NF1: variants seen among roughly 807,000 people sequenced by gnomAD.
The protein encoded by NF1 is neurofibromin 1, also known as neurofibromin.
Under a neutral mutation model 325.7 loss-of-function variants are expected in NF1, and 122 were observed. The ratio of observed to expected loss-of-function variants is 0.37; its 90% CI spans 0.32 to 0.44. The LOEUF is 0.44. Among genes scored for constraint, NF1 ranks in the 20% least tolerant of loss-of-function variants. NF1 has a pLI of 1.00. For missense variants in NF1, 2,140 were observed against 3,415.4 expected, an observed-to-expected ratio of 0.63 and a Z score of 9.31; for synonymous variants, 1,091 against 1,186.0, an observed-to-expected ratio of 0.92 and a Z score of 1.65.
chr17:31,311,139 C>G (rs2068864576), intron 36 of NF1, among the ~76,000 whole-genome samples: 1 of 151,850 alleles, frequency 6.6e-6, no homozygotes, highest in African/African-American at 2.4e-5. Context: ...TTTTTGTAGA[C>G]ATGGGGTTTC....
chr17:31,304,679 C>G lies in NF1; in HGVS notation c.4836-21141C>G, dbSNP rs139395003. 30 of 1,613,972 alleles carry G rather than the reference C, an allele frequency of 1.9e-5. No homozygotes were observed. Among genetic ancestry groups the G allele is most frequent in the Non-Finnish European group, 2.3e-5 (27 of 1,180,008 alleles). ...TCTTCTGATGTACCATTTACTTGAT[C>G]TTTTATTTTCTCTGTTTTGGGGTTG... On this transcript the variant is annotated intron_variant, in intron 36 of 57. Transcript: ENST00000358273.
chr17:31,264,462 T>G (rs1203405392), intron 35 of NF1, among the ~76,000 whole-genome samples: 2 of 151,938 alleles, frequency 1.3e-5, no homozygotes, highest in East Asian at 3.9e-4. Flanking sequence ...CTAAGCAAAT[T>G]ACCTAGCATA....
At chr17:31,344,069 CAG>C (rs1452424039) in intron 48 of NF1, among the ~76,000 whole-genome samples, 1 of 151,090 alleles carries the variant, frequency 6.6e-6, no homozygotes, top group Non-Finnish European at 1.5e-5. Context: ...CAAAATGAAA[CAG>C]ACTGCAAATC....
intron 36 of NF1, among the ~76,000 whole-genome samples, chr17:31,276,174 A>T (rs1322789843): frequency 1.6e-5 from 2 of 126,778 alleles, no homozygotes; most frequent in African/African-American, 3.1e-5. Flanking sequence ...GCACCACTGC[A>T]CTCCAGCCTG....
At chr17:31,156,463 A>C (rs1481332618) in intron 2 of NF1, among the ~76,000 whole-genome samples, 5 of 152,192 alleles carry the variant, frequency 3.3e-5, no homozygotes, top group Non-Finnish European at 5.9e-5. Flanking sequence ...GGCCTACACG[A>C]ATTGACCACA....
In NF1 at chr17:31,206,376, G is replaced by T. The variant is rs199999754; in HGVS notation, c.1392+5G>T. The T allele has an allele frequency of 1.1e-4, 181 of 1,613,388 alleles. 1 individual carries two copies. Among genetic ancestry groups the T allele is most frequent in the Non-Finnish European group, 1.5e-4 (175 of 1,179,560 alleles). On this transcript the variant is annotated splice_donor_5th_base_variant and intron_variant, in intron 12 of 57. Transcript: ENST00000358273. The stretch of plus-strand genomic sequence containing the variant: ...CCAGCAATACGAATGGCACCGGTAA[G>T]ATAAATCACGAATTTTGAATCTCAC...
Position 31,352,421 on chromosome 17 carries a change from T to C in NF1, c.7615+7T>C, listed in dbSNP as rs779078444. 3 of 1,592,918 alleles carry C rather than the reference T, an allele frequency of 1.9e-6. No homozygotes were observed. The East Asian group carries it at 6.8e-5, about 36-fold the overall frequency. On this transcript the variant is annotated splice_region_variant and intron_variant, in intron 51 of 57. Coordinates refer to ENST00000358273, the MANE Select transcript of NF1 (RefSeq NM_001042492.3). ...AACACTAAGAAGTTGCTTGGTTAGT[T>C]TATCTAAATTATGTAGATTTTTTTT...
At chr17:31,343,864 G>C (rs542921096) in intron 48 of NF1, among the ~76,000 whole-genome samples, 1 of 151,920 alleles carries the variant, frequency 6.6e-6, no homozygotes, top group African/African-American at 2.4e-5. Context: ...GCTGAGGAAG[G>C]AGAATCACTT....
At chr17:31,117,400 C>T (rs917233236) in intron 1 of NF1, among the ~76,000 whole-genome samples, 4 of 151,124 alleles carry the variant, frequency 2.6e-5, no homozygotes, top group East Asian at 2.0e-4. Flanking sequence ...CGGCCAGGCG[C>T]GGTGGCTCAT....
At chr17:31,254,053 C>G (rs1384621196) in intron 31 of NF1, 1 of 151,700 alleles carries the variant, frequency 6.6e-6, no homozygotes, top group Admixed American at 6.6e-5. Flanking sequence ...ATCTCTTGAG[C>G]CCAAGAGTTA....
intron 29 of NF1, among the ~76,000 whole-genome samples, chr17:31,240,454 C>T (rs1369388529): frequency 6.6e-6 from 1 of 152,180 alleles, no homozygotes; most frequent in Non-Finnish European, 1.5e-5. Flanking sequence ...TGTATATGTA[C>T]CACAGTTTCT....
In NF1 at chr17:31,336,922, C is replaced by A. The variant is rs864622598; in HGVS notation, c.6427+8C>A. ...CACAGCTTCATTTTAGTGGTAAGTTCTAGGAAAGGAATTTGTGTTTACCAG... is the reference window on the plus strand; with the variant it reads ...CACAGCTTCATTTTAGTGGTAAGTTATAGGAAAGGAATTTGTGTTTACCAG... On this transcript the variant is annotated splice_region_variant and intron_variant, in intron 42 of 57. Coordinates refer to ENST00000358273, the MANE Select transcript of NF1 (RefSeq NM_001042492.3). This position sits in a 1 kb window ranked among gnomAD's most constrained non-coding sequence, Gnocchi z 5.5. 2 of 1,607,004 alleles carry A rather than the reference C, an allele frequency of 1.2e-6. No homozygotes were observed. Among genetic ancestry groups the A allele is most frequent in the Non-Finnish European group, 1.7e-6 (2 of 1,179,796 alleles).
At chr17:31,259,666 C>T (rs1276459018) in intron 33 of NF1, among the ~76,000 whole-genome samples, 2 of 152,140 alleles carry the variant, frequency 1.3e-5, no homozygotes, top group Non-Finnish European at 2.9e-5. Context: ...CACTTTATTT[C>T]TCTGAGTTAT....
chr17:31,161,576 C>A (rs1357761780), intron 3 of NF1, among the ~76,000 whole-genome samples: 1 of 152,162 alleles, frequency 6.6e-6, no homozygotes, highest in African/African-American at 2.4e-5. Context: ...TATATATTTA[C>A]AAAGTAGAGA....
At chr17:31,254,309 T>C (rs1417502129) in intron 31 of NF1, 1 of 151,226 alleles carries the variant, frequency 6.6e-6, no homozygotes, top group Non-Finnish European at 1.5e-5. Flanking sequence ...GAAAAAGCTT[T>C]ACATATAAGT....
At chr17:31,327,469 C>G (rs1241850091) in intron 37 of NF1, 30 bp from the exon 38 acceptor site, 2 of 1,552,818 alleles carry the variant, frequency 1.3e-6, no homozygotes, top group South Asian at 1.1e-5. Context: ...TAATTCTTCT[C>G]CACTTCACCC....
chr17:31,323,433 T>C (rs1365537084), intron 36 of NF1, among the ~76,000 whole-genome samples: 1 of 151,384 alleles, frequency 6.6e-6, no homozygotes, highest in East Asian at 1.9e-4. Context: ...CAGGCCCCAC[T>C]ACATAGATCC....
chr17:31,186,858 A>G (rs1057345004), intron 8 of NF1, among the ~76,000 whole-genome samples: 1 of 152,218 alleles, frequency 6.6e-6, no homozygotes, highest in African/African-American at 2.4e-5. Context: ...TGACTTGGCT[A>G]TGGCCACTGC....
At chr17:31,239,337 G>A (rs1191166439) in intron 29 of NF1, among the ~76,000 whole-genome samples, 1 of 152,192 alleles carries the variant, frequency 6.6e-6, no homozygotes. Context: ...GAAAGAATTG[G>A]TGAATTTGTA....
Sources: allele counts gnomAD v4.1 joint callset (sites outside exome capture counted in the v4.1 genomes callset), GRCh38; gene constraint gnomAD v4.1.1; non-coding constraint Gnocchi (gnomAD v3.1); transcripts MANE v1.5; gene names NCBI Gene and HGNC (gene_info 2026-07-23, HGNC 2026-07-21).